COL23A1: variants seen among roughly 807,000 people sequenced by gnomAD.
COL23A1 encodes collagen type XXIII alpha 1 chain.
COL23A1 carries 97 observed loss-of-function variants against 99.3 expected under a neutral mutation model. The ratio of observed to expected loss-of-function variants is 0.98; its 90% CI spans 0.83 to 1.16. COL23A1 has a LOEUF of 1.16. Among genes scored for constraint, COL23A1 ranks in the 50% most tolerant of loss-of-function variants. The pLI is 0.00. For missense variants in COL23A1, 762 were observed against 757.4 expected (o/e 1.01, Z -0.07); for synonymous variants, 320 against 308.2 (o/e 1.04, Z -0.40).
chr5:178,273,365 T>C (rs975351440), intron 5 of COL23A1, among the ~76,000 whole-genome samples: 9 of 152,240 alleles, frequency 5.9e-5, no homozygotes, highest in African/African-American at 1.9e-4. Context: ...GGGGGGTCAC[T>C]GATGGCGCAG....
chr5:178,489,158 A>T (rs553295847), intron 2 of COL23A1, among the ~76,000 whole-genome samples: 1 of 152,186 alleles, frequency 6.6e-6, no homozygotes, highest in Admixed American at 6.5e-5. Context: ...ATCTGCCCTC[A>T]ATGTGGGTGG....
rs561499974 is a variant in COL23A1 at position 178,405,341 on chromosome 5, C to A, written c.362-98422G>T. ...CTTCTGATTAATATAGCTCTGTCCT[C>A]GTTTACATTGTTCTTCAAACAAACT... is the stretch of plus-strand genomic sequence containing the variant. On this transcript the variant is annotated intron_variant, in intron 2 of 28. Transcript: ENST00000390654. Among the ~76,000 whole-genome samples the A allele has an allele frequency of 6.6e-5, 10 of 152,364 alleles. No homozygotes were observed. In the South Asian group the frequency reaches 2.1e-3, roughly 32 times the overall value.
intron 2 of COL23A1, among the ~76,000 whole-genome samples, chr5:178,406,056 T>C (rs2973743): frequency 0.25 from 38,735 of 152,066 alleles, 5,690 homozygotes; most frequent in East Asian, 0.68. Flanking sequence ...TGAGCTGAGA[T>C]TGCGCCACTG....
chr5:178,297,765 T>C (rs2913755), intron 3 of COL23A1, among the ~76,000 whole-genome samples: 121,302 of 152,112 alleles, frequency 0.8, 48,546 homozygotes, highest in Non-Finnish European at 0.84. Flanking sequence ...TGGAGCTGGG[T>C]AGGCACAAGC....
chr5:178,256,717 G>T, intron 14 of COL23A1, 149 bp downstream of exon 14: 1 of 744,280 alleles, frequency 1.3e-6, no homozygotes, highest in Non-Finnish European at 2.2e-6. Flanking sequence ...CCCCACACCA[G>T]CTTCTGAGAG....
At chr5:178,436,637 C>G (rs997705496) in intron 2 of COL23A1, among the ~76,000 whole-genome samples, 2 of 152,156 alleles carry the variant, frequency 1.3e-5, no homozygotes, top group Non-Finnish European at 2.9e-5. Context: ...CTGTGGCATC[C>G]CTGTGCAGCG....
chr5:178,382,363 G>A (rs1272915239), intron 2 of COL23A1, among the ~76,000 whole-genome samples: 1 of 152,210 alleles, frequency 6.6e-6, no homozygotes, highest in East Asian at 1.9e-4. Flanking sequence ...GCACCGGCAG[G>A]CCTAGTGTTA....
intron 2 of COL23A1, among the ~76,000 whole-genome samples, chr5:178,543,539 T>G (rs1344002078): frequency 1.3e-5 from 2 of 152,184 alleles, no homozygotes; most frequent in Non-Finnish European, 2.9e-5. Context: ...CCACTCCTAA[T>G]AGTCCTAAAC....
intron 2 of COL23A1, among the ~76,000 whole-genome samples, chr5:178,545,995 C>A (rs1166028542): frequency 2.0e-5 from 3 of 152,072 alleles, no homozygotes; most frequent in Admixed American, 6.5e-5. Context: ...AGAGCTGGGC[C>A]CACCTGCATC....
chr5:178,332,465 G>A (rs983009505), intron 2 of COL23A1, among the ~76,000 whole-genome samples: 1 of 152,110 alleles, frequency 6.6e-6, no homozygotes, highest in Non-Finnish European at 1.5e-5. Flanking sequence ...GAGGTCTCTG[G>A]ACCCCTGAAT....
intron 1 of COL23A1, among the ~76,000 whole-genome samples, chr5:178,582,394 AG>A (rs1368893206): frequency 6.6e-6 from 1 of 152,086 alleles, no homozygotes; most frequent in Non-Finnish European, 1.5e-5. Context: ...GGCACTGTGA[AG>A]GATCTCCACC....
At chr5:178,512,513 T>C (rs1759265754) in intron 2 of COL23A1, among the ~76,000 whole-genome samples, 1 of 151,862 alleles carries the variant, frequency 6.6e-6, no homozygotes, top group South Asian at 2.1e-4. Flanking sequence ...AGATACAGAG[T>C]GTGCCAGGGA....
chr5:178,369,346 G>T (rs755785796), intron 2 of COL23A1, among the ~76,000 whole-genome samples: 1 of 152,176 alleles, frequency 6.6e-6, no homozygotes, highest in African/African-American at 2.4e-5. Flanking sequence ...TTCACACCTC[G>T]AGAGGATGTG....
At chr5:178,408,955 CAA>C (rs761044673) in intron 2 of COL23A1, among the ~76,000 whole-genome samples, 4,143 of 71,428 alleles carry the variant, frequency 0.058, 216 homozygotes, top group East Asian at 0.21. Flanking sequence ...AACTCTGTCT[CAA>C]AAAAAAAAAA....
In COL23A1 at chr5:178,553,944, G is replaced by A. The variant is rs562647143; in HGVS notation, c.361+6738C>T. 2.0e-4 allele frequency among the ~76,000 whole-genome samples: 31 copies of A among 152,270 alleles called. 1 individual carries two copies. The South Asian group carries it at 2.3e-3, about 11-fold the overall frequency. On this transcript the variant is annotated intron_variant, in intron 2 of 28. Transcript: ENST00000390654. ...CTCTGAGGACGCAGTGCCAGGCCTC[G>A]TTCTAAGCTGTCTGCACATGTGAAC...
intron 2 of COL23A1, among the ~76,000 whole-genome samples, chr5:178,522,633 G>A (rs574966618): frequency 9.8e-5 from 15 of 152,292 alleles, no homozygotes; most frequent in East Asian, 1.9e-4. Context: ...CAGGCAATGC[G>A]CTTGTATCTG....
At chr5:178,476,422 T>C (rs1270109638) in intron 2 of COL23A1, among the ~76,000 whole-genome samples, 1 of 152,220 alleles carries the variant, frequency 6.6e-6, no homozygotes, top group Non-Finnish European at 1.5e-5. Context: ...GTGCCTCTTC[T>C]TTGGTTTTTT....
intron 2 of COL23A1, among the ~76,000 whole-genome samples, chr5:178,499,987 T>A (rs768904137): frequency 6.6e-6 from 1 of 152,152 alleles, no homozygotes; most frequent in Non-Finnish European, 1.5e-5. Context: ...TACAGTTACA[T>A]AGACTTCTTG....
rs1441089306 is a variant in COL23A1, at chr5:178,280,271, C to T, written c.441+8053G>A. ...ATTGAGGATGCAGGCCCAAAAGGGG[C>T]GCCTTCAGCCTCACAGGCTTCCCTG... On this transcript the variant is annotated intron_variant, in intron 5 of 28. Transcript: ENST00000390654. This position sits in a 1 kb window ranked among gnomAD's most constrained non-coding sequence, Gnocchi z 4.9. 2.6e-5 allele frequency among the ~76,000 whole-genome samples: 4 copies of T among 152,214 alleles called. No individual in the cohort carries two copies. Among genetic ancestry groups the T allele is most frequent in the Non-Finnish European group, 5.9e-5 (4 of 68,034 alleles).
Sources: gnomAD v4.1 joint callset for allele counts (sites outside exome capture counted in the v4.1 genomes callset) on GRCh38, gnomAD v4.1.1 for gene constraint, Gnocchi (gnomAD v3.1) non-coding constraint, MANE v1.5 for transcripts, NCBI Gene and HGNC (gene_info 2026-07-23, HGNC 2026-07-21) for gene names.